STAU1: variants seen among roughly 807,000 people sequenced by gnomAD.
STAU1 encodes the protein staufen double-stranded RNA binding protein 1, also known as double-stranded RNA-binding protein Staufen homolog 1.
Under a neutral mutation model 62.9 loss-of-function variants are expected in STAU1, and 13 were observed. The ratio of observed to expected loss-of-function variants is 0.21; its 90% confidence interval spans 0.13 to 0.33. The LOEUF is 0.33. Ranked by LOEUF, STAU1 falls within the 10% of genes least tolerant of loss-of-function variation. The pLI, the probability that STAU1 is intolerant of heterozygous loss-of-function variation, is 1.00. For synonymous variants in STAU1, 269 were observed against 265.1 expected (o/e 1.01, Z -0.14); for missense variants, 571 against 712.1 (o/e 0.80, Z 2.25).
chr20:49,205,022 C>T, the STAU1 span, among the ~76,000 whole-genome samples: 1 of 151,956 alleles, frequency 6.6e-6, no homozygotes, highest in Non-Finnish European at 1.5e-5. Context: ...ATATTATGGG[C>T]TCAAGGGTAA....
intron 13 of STAU1, 70 bp from the exon 14 acceptor site, chr20:49,114,963 A>G: frequency 6.6e-7 from 1 of 1,525,174 alleles, no homozygotes; most frequent in Non-Finnish European, 9.0e-7. Context: ...GTTAAAAATG[A>G]AAAGAAATTG....
chr20:49,165,098 G>A, intron 3 of STAU1, among the ~76,000 whole-genome samples: 1 of 152,220 alleles, frequency 6.6e-6, no homozygotes, highest in East Asian at 1.9e-4. Flanking sequence ...AGGCTGGAGT[G>A]CAGTGCCATG....
chr20:49,182,219 T>C (rs1042711175), intron 1 of STAU1, among the ~76,000 whole-genome samples: 3 of 152,346 alleles, frequency 2.0e-5, no homozygotes, highest in Admixed American at 2.0e-4. Flanking sequence ...TCTACTTCCA[T>C]TTATCTGGTG....
the STAU1 span, among the ~76,000 whole-genome samples, chr20:49,202,782 G>A: frequency 5.3e-5 from 8 of 151,948 alleles, no homozygotes; most frequent in African/African-American, 1.7e-4. Context: ...CTCAACGCCT[G>A]TAGTCCCAGC....
rs1167967245 is a variant in STAU1, at chr20:49,154,075, C to A, written c.206-4G>T. 6.3e-7 allele frequency: 1 copy of A among 1,589,538 alleles called. No homozygotes were observed. The highest frequency in any genetic ancestry group is 8.5e-7 in the Non-Finnish European group (1 of 1,173,380). ...TCTACAGTAGGGGTTATGCTTTCTG[C>A]AAGAAAGAATCGACAAAGAACTGTT... On this transcript the variant is annotated splice_region_variant and splice_polypyrimidine_tract_variant and intron_variant, in intron 3 of 13. Transcript: ENST00000371856.
At chr20:49,211,918 C>A in the STAU1 span, among the ~76,000 whole-genome samples, 1 of 152,198 alleles carries the variant, frequency 6.6e-6, no homozygotes, top group Non-Finnish European at 1.5e-5. Context: ...TTTTCCACAC[C>A]AGCTAACCAT....
At chr20:49,197,889 T>G in the STAU1 span, among the ~76,000 whole-genome samples, 4 of 151,614 alleles carry the variant, frequency 2.6e-5, no homozygotes, top group South Asian at 8.4e-4. Flanking sequence ...TTAATTCTTA[T>G]TAGAGACAAG....
intron 3 of STAU1, among the ~76,000 whole-genome samples, chr20:49,164,386 G>A (rs1167797535): frequency 6.6e-6 from 1 of 150,998 alleles, no homozygotes; most frequent in African/African-American, 2.4e-5. Flanking sequence ...TGGCAGCCTC[G>A]ACCTCCTGGA....
At chr20:49,188,552 T>C (rs348290), upstream of STAU1, among the ~76,000 whole-genome samples, 109,777 of 152,154 alleles carry the variant, frequency 0.72, 40,262 homozygotes, top group African/African-American at 0.84. Flanking sequence ...CAGCGGCCCG[T>C]CCTGAGTCCC....
chr20:49,196,792 A>G, the STAU1 span, among the ~76,000 whole-genome samples: 60 of 151,870 alleles, frequency 4.0e-4, no homozygotes, highest in East Asian at 9.1e-3. Context: ...AAGAAAAAAA[A>G]AAAAAAGAAA....
At chr20:49,125,071 T>TTAAA (rs755456990) in intron 6 of STAU1, among the ~76,000 whole-genome samples, 1 of 83,852 alleles carries the variant, frequency 1.2e-5, no homozygotes, top group Non-Finnish European at 2.3e-5. Context: ...ACACATTAAG[T>TTAAA]AAAAAAAAAA....
chr20:49,176,901 C>G (rs1156339002), intron 1 of STAU1, among the ~76,000 whole-genome samples: 1 of 147,452 alleles, frequency 6.8e-6, no homozygotes. Context: ...TTCTGAGAAG[C>G]AGGGTGTCTA....
intron 6 of STAU1, chr20:49,134,758 A>G: frequency 8.6e-7 from 1 of 1,162,896 alleles, no homozygotes; most frequent in Non-Finnish European, 1.3e-6. Context: ...AAGGTGAGAA[A>G]GAAATGTATA....
chr20:49,136,961 C>T (rs912355904), intron 5 of STAU1, among the ~76,000 whole-genome samples: 1 of 152,192 alleles, frequency 6.6e-6, no homozygotes, highest in African/African-American at 2.4e-5. Flanking sequence ...TCCCAAAGTG[C>T]TGGGATTAAG....
intron 6 of STAU1, among the ~76,000 whole-genome samples, chr20:49,133,022 T>G (rs774639560): frequency 1.3e-5 from 2 of 152,116 alleles, no homozygotes; most frequent in Non-Finnish European, 2.9e-5. Context: ...TTCCTGATAT[T>G]TGAGTTAATG....
At chr20:49,128,781 A>C (rs1412649488) in intron 6 of STAU1, among the ~76,000 whole-genome samples, 2 of 151,184 alleles carry the variant, frequency 1.3e-5, no homozygotes, top group African/African-American at 2.4e-5. Context: ...TCCAAAAAAA[A>C]AAAAAAAAAA....
chr20:49,116,638 G>C (rs1340977343), intron 12 of STAU1, among the ~76,000 whole-genome samples: 1 of 152,190 alleles, frequency 6.6e-6, no homozygotes, highest in African/African-American at 2.4e-5. Flanking sequence ...ACCCCACCCA[G>C]AGACATTAAT....
At chr20:49,202,421 G>A in the STAU1 span, among the ~76,000 whole-genome samples, 13 of 151,340 alleles carry the variant, frequency 8.6e-5, no homozygotes, top group Admixed American at 2.6e-4. Context: ...AAAATTAGCC[G>A]GGCTTGGTGG....
At chr20:49,151,542 C>T in intron 5 of STAU1, 40 bp downstream of exon 5, 2 of 1,541,912 alleles carry the variant, frequency 1.3e-6, no homozygotes, top group East Asian at 4.7e-5. Context: ...TACCCTCCTA[C>T]CCTGTCGAAG....
Sources: allele counts gnomAD v4.1 joint callset (sites outside exome capture counted in the v4.1 genomes callset), GRCh38; gene constraint gnomAD v4.1.1; transcripts MANE v1.5; gene names NCBI Gene and HGNC (gene_info 2026-07-23, HGNC 2026-07-21).